NEK11: variants seen among roughly 807,000 people sequenced by gnomAD.
NEK11 encodes the protein NIMA related kinase 11, also known as serine/threonine-protein kinase Nek11.
In NEK11, 72 loss-of-function variants were observed where a neutral mutation model predicts 80.7. The ratio of observed to expected loss-of-function variants is 0.89; its 90% confidence interval spans 0.74 to 1.08. The LOEUF is 1.08. Ranked by LOEUF, NEK11 falls within the 50% of genes least tolerant of loss-of-function variation. The pLI is 0.00. For synonymous variants in NEK11, 251 were observed against 260.7 expected, an observed-to-expected ratio of 0.96 and a Z score of 0.36; for missense variants, 764 against 763.6, an observed-to-expected ratio of 1.00 and a Z score of -0.01.
At chr3:131,259,665 TC>T (rs2095877194) in intron 16 of NEK11, among the ~76,000 whole-genome samples, 1 of 152,050 alleles carries the variant, frequency 6.6e-6, no homozygotes, top group African/African-American at 2.4e-5. Flanking sequence ...AGAGCTCCAG[TC>T]CCATGGGTGT....
chr3:131,049,048 A>G (rs1312598405), intron 3 of NEK11, among the ~76,000 whole-genome samples: 2 of 152,198 alleles, frequency 1.3e-5, no homozygotes, highest in African/African-American at 2.4e-5. Flanking sequence ...TAAGGCTTGA[A>G]CTAGTATAGC....
chr3:131,132,374 T>C (rs943752946), intron 5 of NEK11, among the ~76,000 whole-genome samples: 1 of 152,036 alleles, frequency 6.6e-6, no homozygotes, highest in African/African-American at 2.4e-5. Flanking sequence ...CACAAGTATA[T>C]AAAACTTGGA....
intron 14 of NEK11, among the ~76,000 whole-genome samples, chr3:131,188,638 C>T (rs2093681708): frequency 6.6e-6 from 1 of 152,132 alleles, no homozygotes; most frequent in African/African-American, 2.4e-5. Context: ...TAGGCAATTG[C>T]CTTTCATATC....
At chr3:131,279,484 G>T (rs1350286873) in intron 17 of NEK11, among the ~76,000 whole-genome samples, 1 of 151,846 alleles carries the variant, frequency 6.6e-6, no homozygotes, top group Non-Finnish European at 1.5e-5. Context: ...ACTCTTTTTA[G>T]TAAACAGTTC....
Position 131,120,244 on chromosome 3 carries a change from G to A in NEK11, c.455+10323G>A, listed in dbSNP as rs140678413. 5.1e-3 allele frequency among the ~76,000 whole-genome samples: 781 copies of A among 152,262 alleles called. 6 individuals are homozygous for A. The highest frequency in any genetic ancestry group is 0.017 in the African/African-American group (711 of 41,530). Reference sequence around the variant, plus strand: ...ATTTCTGCCTCATTTATGAAGCTTAGTTTGGCTGGATATGAAATTCTGGGT... The same window carrying A: ...ATTTCTGCCTCATTTATGAAGCTTAATTTGGCTGGATATGAAATTCTGGGT... On this transcript the variant is annotated intron_variant, in intron 5 of 17. Coordinates refer to ENST00000383366, the MANE Select transcript of NEK11 (RefSeq NM_024800.5).
intron 14 of NEK11, among the ~76,000 whole-genome samples, chr3:131,204,193 G>A (rs1225359336): frequency 6.6e-6 from 1 of 152,078 alleles, no homozygotes. Flanking sequence ...ACACATGGAG[G>A]GTCCTAGAGG....
At chr3:131,065,544 T>C (rs1347712621) in intron 3 of NEK11, among the ~76,000 whole-genome samples, 1 of 152,172 alleles carries the variant, frequency 6.6e-6, no homozygotes, top group Non-Finnish European at 1.5e-5. Flanking sequence ...CAGCCTGGAA[T>C]ATTGGCTCTT....
chr3:131,128,081 T>C (rs567531688), intron 5 of NEK11, among the ~76,000 whole-genome samples: 2 of 152,314 alleles, frequency 1.3e-5, no homozygotes, highest in Admixed American at 1.3e-4. Flanking sequence ...TACCCCCTGC[T>C]CCCACACATG....
intron 14 of NEK11, among the ~76,000 whole-genome samples, chr3:131,222,368 A>C (rs985441975): frequency 6.6e-6 from 1 of 152,150 alleles, no homozygotes; most frequent in African/African-American, 2.4e-5. Context: ...AATGGTATCA[A>C]ATTTTTGTGG....
chr3:131,137,374 A>C (rs889940730), intron 7 of NEK11, among the ~76,000 whole-genome samples: 1 of 152,154 alleles, frequency 6.6e-6, no homozygotes, highest in Admixed American at 6.5e-5. Context: ...TTTGAGAAAT[A>C]CAGTCCAACT....
At chr3:131,144,684 A>C (rs1579042878) in intron 7 of NEK11, among the ~76,000 whole-genome samples, 1 of 152,140 alleles carries the variant, frequency 6.6e-6, no homozygotes, top group South Asian at 2.1e-4. Flanking sequence ...TTACCTTTGA[A>C]TATCTAGGTA....
chr3:131,107,540 G>A (rs1278320487), intron 4 of NEK11, among the ~76,000 whole-genome samples: 3 of 152,060 alleles, frequency 2.0e-5, no homozygotes, highest in Admixed American at 1.3e-4. Flanking sequence ...TTCTGCCACT[G>A]GAGATGTTTT....
chr3:131,184,811 G>A, intron 14 of NEK11: 1 of 715,438 alleles, frequency 1.4e-6, no homozygotes, highest in Non-Finnish European at 2.0e-6. Flanking sequence ...TCCCCTAGCT[G>A]TTGCATCTTT....
chr3:131,064,979 C>A (rs2071627701), intron 3 of NEK11, among the ~76,000 whole-genome samples: 1 of 152,122 alleles, frequency 6.6e-6, no homozygotes, highest in Non-Finnish European at 1.5e-5. Flanking sequence ...CAGTGTGTCC[C>A]AGACAGCGGA....
intron 3 of NEK11, 120 bp from the exon 4 acceptor site, chr3:131,080,303 A>G (rs117193963): frequency 0.013 from 9,391 of 707,780 alleles, 130 homozygotes; most frequent in East Asian, 0.06. Flanking sequence ...ATAATAGGCA[A>G]TACCAGATAT....
intron 4 of NEK11, among the ~76,000 whole-genome samples, chr3:131,083,854 C>T (rs2075634503): frequency 1.3e-5 from 2 of 152,174 alleles, no homozygotes; most frequent in Non-Finnish European, 2.9e-5. Flanking sequence ...TCCAAAACTA[C>T]CAGAATGGCA....
At chr3:131,204,608 A>G (rs1041519272) in intron 14 of NEK11, among the ~76,000 whole-genome samples, 1 of 151,906 alleles carries the variant, frequency 6.6e-6, no homozygotes, top group Non-Finnish European at 1.5e-5. Context: ...ACATTTGGTC[A>G]CAGGTGTCTT....
rs191031995 is a variant in NEK11, at chr3:131,171,549, G to T, written c.1399+662G>T. Among the ~76,000 whole-genome samples the T allele has an allele frequency of 6.6e-5, 10 of 152,326 alleles. No homozygotes were observed. In the East Asian group the frequency reaches 1.7e-3, roughly 26 times the overall value. Reference sequence around the variant, plus strand: ...AATGCATGAGTTTTGGAGTAAAAAAGTTGGCCCTATCAGAGAAGGCCCTGA... The same window carrying T: ...AATGCATGAGTTTTGGAGTAAAAAATTTGGCCCTATCAGAGAAGGCCCTGA... On this transcript the variant is annotated intron_variant, in intron 14 of 17. Transcript: ENST00000383366.
At chr3:131,266,602 C>G (rs2096063909) in intron 16 of NEK11, among the ~76,000 whole-genome samples, 2 of 152,112 alleles carry the variant, frequency 1.3e-5, no homozygotes, top group Admixed American at 1.3e-4. Context: ...TTTGCATTTG[C>G]TAAAGGAGTG....
Sources: gnomAD v4.1 joint callset for allele counts (sites outside exome capture counted in the v4.1 genomes callset) on GRCh38, gnomAD v4.1.1 for gene constraint, MANE v1.5 for transcripts, NCBI Gene and HGNC (gene_info 2026-07-23, HGNC 2026-07-21) for gene names.